The following ZNF541 variants were observed in gnomAD, a reference collection of about 807,000 sequenced individuals.
The protein encoded by ZNF541 is zinc finger protein 541.
In ZNF541, 23 loss-of-function variants were observed where a neutral mutation model predicts 123.5. The ratio of observed to expected loss-of-function variants is 0.19; its 90% confidence interval spans 0.13 to 0.26. ZNF541 has a LOEUF of 0.26. Ranked by LOEUF, ZNF541 falls within the 10% of genes least tolerant of loss-of-function variation. ZNF541 has a pLI of 1.00. For missense variants in ZNF541, 1,612 were observed against 1,789.9 expected (o/e 0.90, Z 1.79); for synonymous variants, 751 against 754.5 (o/e 1.00, Z 0.08).
Position 47,544,705 on chromosome 19 carries a change from C to T in ZNF541, c.1824G>A (p.Val608=). ...TTCCAGGGCCGGCGTGGAGAGAGTC[C>T]ACAGCAGGAGCCAGTGGTGGGGGCT... The part of the protein sequence containing the change: ...PQQPPPLAPA[V]DSLHAGPGNP... Residue 608 remains valine (V), a synonymous_variant, in exon 5 of 17, where the codon GTG becomes GTA. Transcript: ENST00000391901. 6.6e-7 allele frequency: 1 copy of T among 1,513,552 alleles called. No individual in the cohort carries two copies. The allele number at this position is 1,513,552 out of a possible 1,614,324, so 93.8% of individuals were successfully genotyped here. A position where few individuals can be genotyped will look rare whatever the true frequency, so the allele number is the denominator to read the frequency against.
Position 47,555,858 on chromosome 19 carries a change from G to A in ZNF541, c.-2C>T. On this transcript the variant is annotated 5_prime_UTR_variant, in exon 3 of 17. Transcript: ENST00000391901. ...GTCTCCAAGGCTGTACTGGTCCATG[G>A]CTCTCCACTGCCAGGTCTTGGCCAA... The A allele has an allele frequency of 2.6e-6, 4 of 1,544,416 alleles. No homozygotes were observed. Among genetic ancestry groups the A allele is most frequent in the Non-Finnish European group, 3.5e-6 (4 of 1,142,366 alleles).
At chr19:47,532,832 G>A in intron 10 of ZNF541, 77 bp downstream of exon 10, 1 of 1,436,688 alleles carries the variant, frequency 7.0e-7, no homozygotes. Context: ...ACCATGGGAA[G>A]AAGGAACCCT....
intron 4 of ZNF541, 70 bp downstream of exon 4, chr19:47,549,172 GGAA>G: frequency 6.5e-7 from 1 of 1,534,024 alleles, no homozygotes. Context: ...TGGGAGAATA[GGAA>G]GAAGACCCAG....
At chr19:47,555,067 TAA>T (rs1198309189) in intron 3 of ZNF541, among the ~76,000 whole-genome samples, 29 of 124,556 alleles carry the variant, frequency 2.3e-4, no homozygotes, top group Admixed American at 3.3e-4. Context: ...GTACTCTGCC[TAA>T]AAAAAAAAAA....
At position 47,532,009 on chromosome 19, in the gene ZNF541, C is replaced by T. The variant is rs143679631; in HGVS notation, c.3301+119G>A. ...CTGGCCAAGAGCCAGCTCCCTCCCA[C>T]GCCCAGGGGACACTACTTGGATCTA... On this transcript the variant is annotated intron_variant, in intron 11 of 16. Transcript: ENST00000391901. 106 of 1,355,970 alleles carry T rather than the reference C, an allele frequency of 7.8e-5. No homozygotes were observed. The African/African-American group carries it at 8.9e-4, about 11-fold the overall frequency. 84.0% of individuals were successfully genotyped at this position (1,355,970 alleles called of 1,614,324 possible).
chr19:47,541,501 G>T (rs1970080064), intron 5 of ZNF541, among the ~76,000 whole-genome samples: 1 of 152,142 alleles, frequency 6.6e-6, no homozygotes, highest in African/African-American at 2.4e-5. Flanking sequence ...CAAAATGAAA[G>T]AATATTTGCA....
rs1600011587 is a variant in ZNF541 at position 47,544,900 on chromosome 19, G to A, written c.1629C>T (p.Leu543=). ...GGCTCACAAGAGGTTCCTGCGACTT[G>A]AGGAAGAGCTGGCGGAAGAGCGGCG... ...DASPLFRQLF[L]KSQEPLVSHE... is the part of the protein sequence containing the mutation. Residue 543 remains leucine (L), a synonymous_variant, in exon 5 of 17, where the codon CTC becomes CTT. Transcript: ENST00000391901. 1.3e-6 allele frequency: 2 copies of A among 1,536,006 alleles called. No homozygotes were observed. Among genetic ancestry groups the A allele is most frequent in the Non-Finnish European group, 1.7e-6 (2 of 1,146,806 alleles).
chr19:47,524,113 T>G (rs1969175510), intron 14 of ZNF541, among the ~76,000 whole-genome samples: 1 of 152,108 alleles, frequency 6.6e-6, no homozygotes, highest in South Asian at 2.1e-4. Context: ...ATAATCAGCC[T>G]TAGAGAAGAG....
chr19:47,560,849 G>A (rs1210929099), intron 2 of ZNF541, among the ~76,000 whole-genome samples: 1 of 152,028 alleles, frequency 6.6e-6, no homozygotes, highest in African/African-American at 2.4e-5. Context: ...TCAACAAACT[G>A]TGGAACATCC....
chr19:47,529,930 C>T (rs1243421936), intron 12 of ZNF541, among the ~76,000 whole-genome samples: 1 of 152,210 alleles, frequency 6.6e-6, no homozygotes, highest in African/African-American at 2.4e-5. Flanking sequence ...CTGGCACAAG[C>T]TCCTTACTCC....
intron 2 of ZNF541, among the ~76,000 whole-genome samples, chr19:47,563,964 A>G (rs1256473276): frequency 2.0e-5 from 3 of 152,170 alleles, no homozygotes; most frequent in Non-Finnish European, 4.4e-5. Context: ...AGTGCTTTAT[A>G]TGCATTAACT....
chr19:47,571,702 A>G (rs1971483343), intron 2 of ZNF541, among the ~76,000 whole-genome samples, 194 bp downstream of exon 2: 1 of 151,760 alleles, frequency 6.6e-6, no homozygotes, highest in African/African-American at 2.4e-5. Context: ...ACATCAATCT[A>G]TGTCTGCACT....
chr19:47,547,710 C>G (rs1361139292), intron 4 of ZNF541, among the ~76,000 whole-genome samples: 1 of 152,182 alleles, frequency 6.6e-6, no homozygotes, highest in Non-Finnish European at 1.5e-5. Context: ...TAAGTACTTT[C>G]ATCTCCCACT....
chr19:47,570,603 G>A (rs899366952), intron 2 of ZNF541, among the ~76,000 whole-genome samples: 9 of 138,752 alleles, frequency 6.5e-5, no homozygotes, highest in South Asian at 2.3e-4. Flanking sequence ...AAAAAAAAGC[G>A]CATTTTGTTT....
rs1476091462 is a variant in ZNF541 at position 47,544,692 on chromosome 19, C to A, written c.1837G>T (p.Ala613Ser). ...PLAPAVDSLH[A>S]GPGNPEAEGS... ...TCTGCCTCGGGGTTTCCAGGGCCGG[C>A]GTGGAGAGAGTCCACAGCAGGAGCC... The change falls in exon 5 of 17, where the codon GCC (alanine) becomes TCC (serine). Residue 613 changes from alanine to serine, a missense_variant. Transcript: ENST00000391901. The A allele has an allele frequency of 5.3e-6, 8 of 1,520,524 alleles. No homozygotes were observed. The highest frequency in any genetic ancestry group is 7.0e-6 in the Non-Finnish European group (8 of 1,136,094). 94.2% of individuals were successfully genotyped at this position (1,520,524 alleles called of 1,614,324 possible). A position where few individuals can be genotyped will look rare whatever the true frequency, so the allele number is the denominator to read the frequency against.
At chr19:47,540,842 C>T in intron 6 of ZNF541, 51 bp downstream of exon 6, 1 of 1,537,918 alleles carries the variant, frequency 6.5e-7, no homozygotes, top group Admixed American at 2.0e-5. Context: ...CACAGGAAGG[C>T]CAGAGGACTC....
chr19:47,571,989 T>C lies in ZNF541; in HGVS notation c.-192A>G, dbSNP rs1971492928. On this transcript the variant is annotated 5_prime_UTR_variant, in exon 2 of 17. Coordinates refer to ENST00000391901, the MANE Select transcript of ZNF541 (RefSeq NM_001277075.3). ...CAGGTGACAAGCAGACCACTGGATA[T>C]GTCCTCCTGGAACACTGAGTGGTAA... Among the ~76,000 whole-genome samples the C allele has an allele frequency of 6.6e-6, 1 of 152,176 alleles. No homozygotes were observed. Among genetic ancestry groups the C allele is most frequent in the Non-Finnish European group, 1.5e-5 (1 of 68,036 alleles).
At chr19:47,531,602 G>A in intron 12 of ZNF541, 40 bp downstream of exon 12, 1 of 1,474,626 alleles carries the variant, frequency 6.8e-7, no homozygotes, top group Non-Finnish European at 9.2e-7. Context: ...AGAACCCTGG[G>A]CCCCAGGAAA....
intron 2 of ZNF541, among the ~76,000 whole-genome samples, chr19:47,561,311 G>A (rs1971053247): frequency 6.6e-6 from 1 of 152,044 alleles, no homozygotes; most frequent in Admixed American, 6.6e-5. Flanking sequence ...GGTGGCACAT[G>A]CTTGTGGTTT....
Sources: gnomAD v4.1 joint callset for allele counts (sites outside exome capture counted in the v4.1 genomes callset) on GRCh38, gnomAD v4.1.1 for gene constraint, MANE v1.5 for transcripts, NCBI Gene and HGNC (gene_info 2026-07-23, HGNC 2026-07-21) for gene names.